Variants in TSPAN9 observed in about 807,000 individuals in gnomAD.
TSPAN9 encodes tetraspanin 9, also known as tetraspanin-9.
A neutral mutation model predicts 31.0 loss-of-function variants in TSPAN9; 16 were observed. The observed-to-expected ratio is 0.52, with a 90% confidence interval of 0.35 to 0.78. The LOEUF (loss-of-function observed/expected upper bound fraction) is 0.78. TSPAN9 is among the 30% of genes least tolerant of loss of function. The probability of loss-of-function intolerance (pLI) is 0.01; values close to 1 mark genes in which losing one functional copy is unlikely to be tolerated. For synonymous variants in TSPAN9, 145 were observed against 121.6 expected (o/e 1.19, Z -1.27); for missense variants, 272 against 312.5 (o/e 0.87, Z 0.98).
chr12:3,175,649 G>C (rs547846496), intron 2 of TSPAN9, among the ~76,000 whole-genome samples: 1 of 152,330 alleles, frequency 6.6e-6, no homozygotes, highest in East Asian at 1.9e-4. Context: ...GGTCGCGGGA[G>C]GGAGTGCATC....
rs1362875460 is a variant in TSPAN9, at chr12:3,284,310, A to AGGGGACCCACAGGGGT, written c.*1196_*1211dup. The AGGGGACCCACAGGGGT allele has an allele frequency of 6.6e-6, 1 of 152,394 alleles. No homozygotes were observed. Among genetic ancestry groups the AGGGGACCCACAGGGGT allele is most frequent in the Non-Finnish European group, 1.5e-5 (1 of 68,032 alleles). 9.4% of individuals were successfully genotyped at this position (152,394 alleles called of 1,614,324 possible). ...GGTTTTGCTGTGCTGGGACAGTGGCAGGGGACCCACAGGGGTGAGGACCCA... is the reference window on the plus strand; with the variant it reads ...GGTTTTGCTGTGCTGGGACAGTGGCAGGGGACCCACAGGGGTGGGGACCCACAGGGGTGAGGACCCA... On this transcript the variant is annotated 3_prime_UTR_variant, in exon 9 of 9. Transcript: ENST00000011898.
In TSPAN9 at chr12:3,281,825, G is replaced by A. The variant is rs1486964454; in HGVS notation, c.648+8G>A. On this transcript the variant is annotated splice_region_variant and intron_variant, in intron 8 of 8. Transcript: ENST00000011898. ...TGCATCCTCATCATGCAGGTAAGAG[G>A]GGCGTCCCCAGCAGCCTCACCCACC... is the stretch of plus-strand genomic sequence containing the variant. 6.2e-7 allele frequency: 1 copy of A among 1,613,780 alleles called. No individual in the cohort carries two copies. Among genetic ancestry groups the A allele is most frequent in the Non-Finnish European group, 8.5e-7 (1 of 1,179,942 alleles).
At chr12:3,156,890 AGG>A (rs1193698610) in intron 2 of TSPAN9, among the ~76,000 whole-genome samples, 6 of 152,166 alleles carry the variant, frequency 3.9e-5, no homozygotes, top group African/African-American at 1.4e-4. Context: ...AGAAGGGCCC[AGG>A]GCAGGGGGCA....
In TSPAN9 at chr12:3,283,295, G is replaced by A. The variant is rs961486253; in HGVS notation, c.*179G>A. On this transcript the variant is annotated 3_prime_UTR_variant, in exon 9 of 9. Transcript: ENST00000011898. The stretch of plus-strand genomic sequence containing the variant: ...TCTCAGTGGGTGGAGTGCCAGGGAG[G>A]AGGAGGCACACGGAGACCTGGGGCT... 4 of 623,968 alleles carry A rather than the reference G, an allele frequency of 6.4e-6. No homozygotes were observed. Among genetic ancestry groups the A allele is most frequent in the Non-Finnish European group, 7.9e-6 (3 of 378,498 alleles). The allele number at this position is 623,968 out of a possible 1,614,324, so 38.7% of individuals were successfully genotyped here.
chr12:3,278,122 G>T (rs1366418766), intron 3 of TSPAN9, among the ~76,000 whole-genome samples: 1 of 152,210 alleles, frequency 6.6e-6, no homozygotes, highest in East Asian at 1.9e-4. Flanking sequence ...CCACGTATTT[G>T]TTACGCACTT....
chr12:3,114,495 G>A (rs2098321053), intron 2 of TSPAN9, among the ~76,000 whole-genome samples: 1 of 152,132 alleles, frequency 6.6e-6, no homozygotes, highest in Non-Finnish European at 1.5e-5. Context: ...CTGGCAGGAG[G>A]TGGTGAATTT....
intron 3 of TSPAN9, among the ~76,000 whole-genome samples, chr12:3,237,410 T>C (rs374772858): frequency 7.2e-5 from 11 of 152,168 alleles, no homozygotes; most frequent in African/African-American, 2.7e-4. Context: ...TTCCCACCTA[T>C]TCTCCTTATA....
At chr12:3,140,746 G>A (rs927206198) in intron 2 of TSPAN9, among the ~76,000 whole-genome samples, 1 of 152,062 alleles carries the variant, frequency 6.6e-6, no homozygotes, top group Non-Finnish European at 1.5e-5. Flanking sequence ...TGGGGTGTGG[G>A]GGCCCACAGG....
At chr12:3,196,233 C>T (rs1197185968) in intron 2 of TSPAN9, among the ~76,000 whole-genome samples, 2 of 152,182 alleles carry the variant, frequency 1.3e-5, no homozygotes, top group African/African-American at 2.4e-5. Flanking sequence ...GATTACGCTG[C>T]GTCTCCCCAC....
chr12:3,165,335 A>T (rs902762306), intron 2 of TSPAN9, among the ~76,000 whole-genome samples: 1 of 152,130 alleles, frequency 6.6e-6, no homozygotes, highest in Non-Finnish European at 1.5e-5. Flanking sequence ...GGGATTTCTT[A>T]TTGCTAATTA....
chr12:3,089,677 G>A (rs1043556884), intron 2 of TSPAN9, among the ~76,000 whole-genome samples: 2 of 152,020 alleles, frequency 1.3e-5, no homozygotes, highest in African/African-American at 2.4e-5. Flanking sequence ...CTGGGGGGCC[G>A]AGGTGGGAGG....
chr12:3,166,319 A>G (rs1405489773), intron 2 of TSPAN9, among the ~76,000 whole-genome samples: 1 of 152,202 alleles, frequency 6.6e-6, no homozygotes, highest in East Asian at 1.9e-4. Context: ...CAAACGTTCC[A>G]TATTTTGCAC....
At chr12:3,228,766 C>A (rs200435154) in intron 3 of TSPAN9, among the ~76,000 whole-genome samples, 1 of 152,238 alleles carries the variant, frequency 6.6e-6, no homozygotes, top group Non-Finnish European at 1.5e-5. Flanking sequence ...AATTACCATA[C>A]ACTTGGTGGC....
intron 3 of TSPAN9, among the ~76,000 whole-genome samples, chr12:3,239,203 G>C (rs3782804): frequency 6.6e-6 from 1 of 151,102 alleles, no homozygotes; most frequent in Admixed American, 6.6e-5. Context: ...GAGGCAAGGC[G>C]TAGAGGGGTG....
chr12:3,190,356 G>A (rs185770314), intron 2 of TSPAN9, among the ~76,000 whole-genome samples: 6 of 152,346 alleles, frequency 3.9e-5, no homozygotes, highest in East Asian at 3.9e-4. Flanking sequence ...TGTGCCCGGC[G>A]GTCTGCCTTA....
At chr12:3,102,557 C>T (rs560866068) in intron 2 of TSPAN9, among the ~76,000 whole-genome samples, 1 of 151,966 alleles carries the variant, frequency 6.6e-6, no homozygotes, top group Non-Finnish European at 1.5e-5. Flanking sequence ...CCTGCCTCAG[C>T]CTCCTGAGTA....
chr12:3,164,595 G>A (rs1281827507), intron 2 of TSPAN9, among the ~76,000 whole-genome samples: 3 of 152,218 alleles, frequency 2.0e-5, no homozygotes, highest in East Asian at 1.9e-4. Context: ...TTGCTGGATC[G>A]TGGTGATGCA....
intron 2 of TSPAN9, among the ~76,000 whole-genome samples, chr12:3,181,962 G>A (rs571515731): frequency 7.2e-5 from 11 of 152,254 alleles, no homozygotes; most frequent in African/African-American, 2.4e-4. Flanking sequence ...GGACATGCAC[G>A]TGCACATGTG....
intron 3 of TSPAN9, among the ~76,000 whole-genome samples, chr12:3,243,323 C>T (rs1275252616): frequency 1.3e-5 from 2 of 152,152 alleles, no homozygotes; most frequent in Non-Finnish European, 2.9e-5. Context: ...GAGCTGGGTG[C>T]TTTACCACCT....
Sources: allele counts gnomAD v4.1 joint callset (sites outside exome capture counted in the v4.1 genomes callset), GRCh38; gene constraint gnomAD v4.1.1; transcripts MANE v1.5; gene names NCBI Gene and HGNC (gene_info 2026-07-23, HGNC 2026-07-21).